Variants in C1orf198 observed in about 807,000 individuals in gnomAD.
C1orf198 encodes the protein uncharacterized protein C1orf198.
A neutral mutation model predicts 31.4 loss-of-function variants in C1orf198; 17 were observed. That is an observed-to-expected ratio of 0.54 (90% confidence interval 0.37 to 0.81). The LOEUF (loss-of-function observed/expected upper bound fraction) is 0.81. Ranked by LOEUF, C1orf198 falls within the 40% of genes least tolerant of loss-of-function variation. The pLI is 0.00. For missense variants in C1orf198, 401 were observed against 450.3 expected (o/e 0.89, Z 0.99); for synonymous variants, 175 against 193.8 (o/e 0.90, Z 0.81).
Position 230,858,299 on chromosome 1 carries a change from G to A in C1orf198, c.334-2581C>T, listed in dbSNP as rs538406181. Among the ~76,000 whole-genome samples, 5 of 152,250 alleles carry A rather than the reference G, an allele frequency of 3.3e-5. No individual in the cohort carries two copies. In the South Asian group the frequency reaches 1.0e-3, roughly 31 times the overall value. On this transcript the variant is annotated intron_variant, in intron 1 of 3. Coordinates refer to ENST00000366663, the MANE Select transcript of C1orf198 (RefSeq NM_032800.3). ...CGTTTAGAAGCAATCAAACCAAGAA[G>A]GGCTTTGTTTTCACATGGGAAAAAT...
rs1669518106 is a variant in C1orf198 at position 230,843,868 on chromosome 1, A to T, written c.413T>A (p.Leu138Gln). 6.6e-7 allele frequency: 1 copy of T among 1,524,126 alleles called. No individual in the cohort carries two copies. 94.4% of individuals were successfully genotyped at this position (1,524,126 alleles called of 1,614,324 possible). Reference sequence around the variant, plus strand: ...GCCGTTGCTCGGCTCCTGGATGGATAGGGCGGAGATACTGAACTCCATCTG... The same window carrying T: ...GCCGTTGCTCGGCTCCTGGATGGATTGGGCGGAGATACTGAACTCCATCTG... ...KSQMEFSISALSIQEPSNGTA... is the reference protein window; with the variant it reads ...KSQMEFSISAQSIQEPSNGTA... Residue 138 changes from leucine (L) to glutamine (Q), a missense_variant, in exon 3 of 4, where the codon CTA (leucine) becomes CAA (glutamine). By Grantham distance (113) the Leu-to-Gln change is moderately radical. Coordinates refer to ENST00000366663, the MANE Select transcript of C1orf198 (RefSeq NM_032800.3). This position sits in a 1 kb window ranked among gnomAD's most constrained non-coding sequence, Gnocchi z 4.9.
intron 2 of C1orf198, among the ~76,000 whole-genome samples, chr1:230,846,926 A>G (rs977014257): frequency 6.6e-6 from 1 of 151,358 alleles, no homozygotes; most frequent in Non-Finnish European, 1.5e-5. Context: ...AAACGGTGAA[A>G]CCCCGTCTCT....
chr1:230,869,283 C>G (rs965234165), upstream of C1orf198: 1 of 152,288 alleles, frequency 6.6e-6, no homozygotes, highest in Non-Finnish European at 1.5e-5. Flanking sequence ...GAGCTCAGAA[C>G]TCTTGGCAGT....
chr1:230,859,808 C>T (rs1262451577), intron 1 of C1orf198, among the ~76,000 whole-genome samples: 2 of 152,152 alleles, frequency 1.3e-5, no homozygotes, highest in African/African-American at 4.8e-5. Flanking sequence ...CAGTGTGCAC[C>T]TCCTAAATCC....
chr1:230,855,962 C>T (rs926937941), intron 1 of C1orf198: 13 of 1,299,006 alleles, frequency 1.0e-5, no homozygotes, highest in African/African-American at 3.0e-5. Context: ...CAGGGAATGC[C>T]GGTGAGGCCC....
intron 2 of C1orf198, among the ~76,000 whole-genome samples, chr1:230,846,157 T>A (rs748705126): frequency 6.6e-6 from 1 of 152,254 alleles, no homozygotes; most frequent in Admixed American, 6.5e-5. Context: ...AGAAGTGAAA[T>A]ATCAAAATAC....
intron 1 of C1orf198, among the ~76,000 whole-genome samples, chr1:230,862,630 T>C (rs1233380090): frequency 1.3e-5 from 2 of 152,216 alleles, no homozygotes; most frequent in Non-Finnish European, 2.9e-5. Context: ...GCATACTGTA[T>C]GAATCCAACC....
At position 230,837,141 on chromosome 1, in the gene C1orf198, T is replaced by C. The variant is rs1669322199; in HGVS notation, c.*2711A>G. The C allele has an allele frequency of 6.5e-6, 1 of 152,674 alleles. No homozygotes were observed. The highest frequency in any genetic ancestry group is 6.5e-5 in the Admixed American group (1 of 15,282). 9.5% of individuals were successfully genotyped at this position (152,674 alleles called of 1,614,324 possible). A position where few individuals can be genotyped will look rare whatever the true frequency, so the allele number is the denominator to read the frequency against. On this transcript the variant is annotated 3_prime_UTR_variant, in exon 4 of 4. Coordinates refer to ENST00000366663, the MANE Select transcript of C1orf198 (RefSeq NM_032800.3). ...AAATAGCATTTTTTAAATGGCTTTATTAAAGGCTACAAGTATAAAATATGA... is the reference window on the plus strand; with the variant it reads ...AAATAGCATTTTTTAAATGGCTTTACTAAAGGCTACAAGTATAAAATATGA...
chr1:230,849,502 C>T (rs571799846), intron 2 of C1orf198, among the ~76,000 whole-genome samples: 63 of 152,352 alleles, frequency 4.1e-4, no homozygotes, highest in African/African-American at 1.5e-3. Flanking sequence ...CCCACGGAGG[C>T]TCTGCTGGGA....
At chr1:230,856,647 G>T (rs1669882084) in intron 1 of C1orf198, among the ~76,000 whole-genome samples, 1 of 152,156 alleles carries the variant, frequency 6.6e-6, no homozygotes. Context: ...CCTGCCTTGG[G>T]TGTCCAGAGC....
At position 230,868,426 on chromosome 1, in the gene C1orf198, G is replaced by T. The variant is rs764050898; in HGVS notation, c.87C>A (p.Arg29=). ...NRPLDDRERK[R]FTYFSSLSPM... is the part of the protein sequence containing the mutation. The stretch of plus-strand genomic sequence containing the variant: ...GGCTCAGCGACGAGAAGTAAGTGAA[G>T]CGCTTTCGCTCCCGGTCGTCCAGAG... The change falls in exon 1 of 4, where the codon CGC becomes CGA. Residue 29 remains arginine (R), a synonymous_variant. Coordinates refer to ENST00000366663, the MANE Select transcript of C1orf198 (RefSeq NM_032800.3). The T allele has an allele frequency of 1.3e-6, 2 of 1,586,330 alleles. No individual in the cohort carries two copies. Among genetic ancestry groups the T allele is most frequent in the Non-Finnish European group, 1.7e-6 (2 of 1,166,780 alleles).
intron 1 of C1orf198, 176 bp from the exon 2 acceptor site, chr1:230,855,894 C>T (rs577978785): frequency 7.3e-7 from 1 of 1,372,258 alleles, no homozygotes; most frequent in East Asian, 2.6e-5. Flanking sequence ...GATCAGATTG[C>T]TCCCTCATCT....
At chr1:230,845,217 A>T (rs1015687922) in intron 2 of C1orf198, among the ~76,000 whole-genome samples, 7 of 39,424 alleles carry the variant, frequency 1.8e-4, no homozygotes, top group Non-Finnish European at 3.3e-4. Context: ...TAAAAAAATT[A>T]AAAAAAAAAA....
intron 2 of C1orf198, among the ~76,000 whole-genome samples, chr1:230,848,517 G>A (rs578135770): frequency 1.9e-4 from 29 of 152,214 alleles, no homozygotes; most frequent in African/African-American, 6.7e-4. Context: ...AGTGTGTTGT[G>A]TATTTTGCAA....
intron 1 of C1orf198, among the ~76,000 whole-genome samples, chr1:230,856,376 A>G (rs1281821091): frequency 1.3e-5 from 2 of 152,058 alleles, no homozygotes; most frequent in African/African-American, 2.4e-5. Flanking sequence ...AGAACAGGAC[A>G]GAAAGAGCCC....
intron 2 of C1orf198, among the ~76,000 whole-genome samples, chr1:230,851,426 T>C (rs552693568): frequency 6.6e-6 from 1 of 152,262 alleles, no homozygotes; most frequent in African/African-American, 2.4e-5. Context: ...CCAAAGGCAT[T>C]TTCTCCTCTG....
intron 1 of C1orf198, among the ~76,000 whole-genome samples, chr1:230,865,543 T>C (rs970956394): frequency 2.0e-5 from 3 of 152,166 alleles, no homozygotes; most frequent in African/African-American, 7.2e-5. Context: ...ACCTAAAGAC[T>C]GATAGGTCCC....
chr1:230,863,046 T>C (rs1168458533), intron 1 of C1orf198, among the ~76,000 whole-genome samples: 3 of 152,232 alleles, frequency 2.0e-5, no homozygotes, highest in South Asian at 2.1e-4. Flanking sequence ...ATATGTTCTT[T>C]TTTTACCAAC....
At chr1:230,868,542 G>T (rs1254659814), upstream of C1orf198, 1 of 1,247,492 alleles carries the variant, frequency 8.0e-7, no homozygotes, top group Admixed American at 4.3e-5. Context: ...CCCGGCCCGC[G>T]CCCCGCCCCT....
Sources: gnomAD v4.1 joint callset for allele counts (sites outside exome capture counted in the v4.1 genomes callset) on GRCh38, gnomAD v4.1.1 for gene constraint, Gnocchi (gnomAD v3.1) non-coding constraint, MANE v1.5 for transcripts, NCBI Gene and HGNC (gene_info 2026-07-23, HGNC 2026-07-21) for gene names.